The following DDX60L variants were observed in gnomAD, a reference collection of about 807,000 sequenced individuals.
DDX60L encodes DExD/H-box 60 like.
In DDX60L, 191 loss-of-function variants were observed where a neutral mutation model predicts 211.6. That is an observed-to-expected ratio of 0.90 (90% CI 0.80 to 1.02). The LOEUF is 1.02. Ranked by LOEUF, DDX60L falls within the 50% of genes least tolerant of loss-of-function variation. The pLI is 0.00. For synonymous variants in DDX60L, 706 were observed against 694.1 expected (o/e 1.02, Z -0.27); for missense variants, 2,007 against 1,984.1 (o/e 1.01, Z -0.22).
At chr4:168,370,497 A>G (rs1376212405) in intron 36 of DDX60L, among the ~76,000 whole-genome samples, 2 of 152,136 alleles carry the variant, frequency 1.3e-5, no homozygotes, top group Non-Finnish European at 2.9e-5. Flanking sequence ...GATAGGAGGA[A>G]TAAGTTCTAG....
intron 36 of DDX60L, among the ~76,000 whole-genome samples, chr4:168,365,496 G>C (rs1278644547): frequency 1.3e-5 from 2 of 150,892 alleles, no homozygotes; most frequent in East Asian, 3.9e-4. Flanking sequence ...AAACAGAGCA[G>C]TAATGAGAGA....
At chr4:168,378,059 T>C (rs1194373822) in intron 33 of DDX60L, among the ~76,000 whole-genome samples, 1 of 152,190 alleles carries the variant, frequency 6.6e-6, no homozygotes, top group Non-Finnish European at 1.5e-5. Context: ...GGTTCAGCAG[T>C]AGGGCTGTCA....
Position 168,457,877 on chromosome 4 carries a change from T to C in DDX60L, c.723+15A>G, listed in dbSNP as rs761344379. 1.6e-4 allele frequency: 231 copies of C among 1,439,618 alleles called. 4 individuals are homozygous for C. In the South Asian group the frequency reaches 2.9e-3, roughly 18 times the overall value. 89.2% of individuals were successfully genotyped at this position (1,439,618 alleles called of 1,614,324 possible). ...TCTATCAAACTTTTATTTAAAGAAA[T>C]AAAAATTTTAATACCTCTTCCATCA... On this transcript the variant is annotated intron_variant, in intron 6 of 37. Coordinates refer to ENST00000682922, the MANE Select transcript of DDX60L (RefSeq NM_001012967.3).
In DDX60L at chr4:168,471,789, A is replaced by T; in HGVS notation, c.222T>A (p.Asp74Glu). 1 of 1,610,868 alleles carries T rather than the reference A, an allele frequency of 6.2e-7. No individual in the cohort carries two copies. Among genetic ancestry groups the T allele is most frequent in the Non-Finnish European group, 8.5e-7 (1 of 1,179,300 alleles). ...TGAATTGTCCTCCGTTACTCAGAAG[A>T]TCCACAAGATAGCATTCAACCAGAT... ...FFYLVECYLV[D>E]LLSNGGQFTI... The change falls in exon 4 of 38, where the codon GAT (aspartate) becomes GAA (glutamate). Residue 74 changes from aspartate to glutamate, a missense_variant. By Grantham distance (45) the Asp-to-Glu change is conservative. Transcript: ENST00000682922.
chr4:168,447,806 C>G (rs1330329235), intron 9 of DDX60L, among the ~76,000 whole-genome samples: 1 of 144,896 alleles, frequency 6.9e-6, no homozygotes, highest in Non-Finnish European at 1.5e-5. Flanking sequence ...CATATTCTCA[C>G]TCATAGGTGG....
chr4:168,377,803 T>C (rs1401687746), intron 33 of DDX60L: 1 of 152,214 alleles, frequency 6.6e-6, no homozygotes, highest in Non-Finnish European at 1.5e-5. Flanking sequence ...AATGCACATT[T>C]TCTTGGGTTC....
chr4:168,428,180 A>T (rs1751766641), intron 13 of DDX60L, among the ~76,000 whole-genome samples: 1 of 152,186 alleles, frequency 6.6e-6, no homozygotes, highest in South Asian at 2.1e-4. Context: ...AGCCAGCCCC[A>T]CCTGGCCACC....
At chr4:168,446,366 C>T (rs1754796263) in intron 9 of DDX60L, among the ~76,000 whole-genome samples, 1 of 152,030 alleles carries the variant, frequency 6.6e-6, no homozygotes, top group Admixed American at 6.6e-5. Context: ...AACCACTGCT[C>T]AAGGAAATCA....
At chr4:168,405,086 G>A (rs779795428) in intron 24 of DDX60L, among the ~76,000 whole-genome samples, 2 of 151,244 alleles carry the variant, frequency 1.3e-5, no homozygotes, top group Non-Finnish European at 2.9e-5. Context: ...TTGGCTCACT[G>A]CAACCTCTGC....
At chr4:168,381,822 C>A (rs1345198978) in intron 30 of DDX60L, among the ~76,000 whole-genome samples, 1 of 152,010 alleles carries the variant, frequency 6.6e-6, no homozygotes, top group Non-Finnish European at 1.5e-5. Context: ...GTCCTTACTA[C>A]AAAAGAAAAA....
At chr4:168,389,225 G>A (rs528209352) in intron 29 of DDX60L, among the ~76,000 whole-genome samples, 22 of 152,116 alleles carry the variant, frequency 1.4e-4, no homozygotes, top group Non-Finnish European at 2.6e-4. Context: ...GTGACATGAG[G>A]ACAACACCTA....
At chr4:168,398,320 T>C (rs954883619) in intron 26 of DDX60L, among the ~76,000 whole-genome samples, 1 of 152,156 alleles carries the variant, frequency 6.6e-6, no homozygotes, top group Non-Finnish European at 1.5e-5. Context: ...CCTAGCCAGG[T>C]GTGTGCACGC....
At chr4:168,388,590 T>C (rs1158938931) in intron 29 of DDX60L, among the ~76,000 whole-genome samples, 1 of 152,204 alleles carries the variant, frequency 6.6e-6, no homozygotes, top group Non-Finnish European at 1.5e-5. Context: ...ATCGTACAGA[T>C]TGAGAAACTG....
chr4:168,361,427 G>A (rs537692189), intron 36 of DDX60L: 3 of 426,140 alleles, frequency 7.0e-6, no homozygotes, highest in South Asian at 7.6e-5. Flanking sequence ...ATTATCAAAG[G>A]GGGAGGGTGA....
intron 4 of DDX60L, among the ~76,000 whole-genome samples, chr4:168,464,114 A>G (rs1396565003): frequency 1.3e-5 from 2 of 152,146 alleles, no homozygotes; most frequent in Admixed American, 1.3e-4. Context: ...GGTGTCCTTA[A>G]AATAAGTATC....
chr4:168,370,547 T>C (rs564528013), intron 36 of DDX60L, among the ~76,000 whole-genome samples: 2 of 152,222 alleles, frequency 1.3e-5, no homozygotes, highest in South Asian at 4.1e-4. Flanking sequence ...TTAACAGCAT[T>C]GTATTGTAGA....
chr4:168,459,065 A>G (rs1393915798), intron 5 of DDX60L, among the ~76,000 whole-genome samples: 7 of 152,234 alleles, frequency 4.6e-5, no homozygotes, highest in Non-Finnish European at 1.0e-4. Flanking sequence ...CATATAATAC[A>G]TCTATAATAT....
intron 23 of DDX60L, 134 bp downstream of exon 23, chr4:168,406,468 T>A: frequency 1.6e-6 from 1 of 634,862 alleles, no homozygotes; most frequent in African/African-American, 1.9e-5. Flanking sequence ...TAAGAAAAAA[T>A]AACTGATTAT....
intron 10 of DDX60L, among the ~76,000 whole-genome samples, chr4:168,439,769 C>T (rs929840601): frequency 9.2e-5 from 14 of 152,182 alleles, no homozygotes; most frequent in African/African-American, 3.4e-4. Flanking sequence ...TCTTACAGAA[C>T]TACCATAATC....
Sources: gnomAD v4.1 joint callset for allele counts (sites outside exome capture counted in the v4.1 genomes callset) on GRCh38, gnomAD v4.1.1 for gene constraint, MANE v1.5 for transcripts, NCBI Gene and HGNC (gene_info 2026-07-23, HGNC 2026-07-21) for gene names.